ABCG1: variants seen among roughly 807,000 people sequenced by gnomAD.
The protein encoded by ABCG1 is ATP binding cassette subfamily G member 1.
A neutral mutation model predicts 69.2 loss-of-function variants in ABCG1; 29 were observed. The observed-to-expected ratio is 0.42, with a 90% CI of 0.31 to 0.57. The LOEUF (loss-of-function observed/expected upper bound fraction) is 0.57, where lower values mean the gene tolerates loss of function less well. ABCG1 is among the 20% of genes least tolerant of loss of function. ABCG1 has a pLI of 0.15. For missense variants in ABCG1, 718 were observed against 898.1 expected, an observed-to-expected ratio of 0.80 and a Z score of 2.56; for synonymous variants, 370 against 374.8, an observed-to-expected ratio of 0.99 and a Z score of 0.15.
chr21:42,294,393 C>A, intron 13 of ABCG1, 149 bp from the exon 14 acceptor site: 1 of 694,994 alleles, frequency 1.4e-6, no homozygotes, highest in Non-Finnish European at 2.6e-6. Flanking sequence ...CTCGGGAACG[C>A]TGCACCTTCT....
chr21:42,284,808 T>G lies in ABCG1; in HGVS notation c.858+125T>G, dbSNP rs966739699. On this transcript the variant is annotated intron_variant, in intron 7 of 14. Coordinates refer to ENST00000398449, the MANE Select transcript of ABCG1 (RefSeq NM_016818.3). ...GGGGCGTCTTCATGACACCAAACCC[T>G]GGGTACCCACAGCCTTCTGTTAGCT... 3 of 1,318,182 alleles carry G rather than the reference T, an allele frequency of 2.3e-6. No individual in the cohort carries two copies. The Admixed American group carries it at 6.1e-5, about 27-fold the overall frequency. 81.7% of individuals were successfully genotyped at this position (1,318,182 alleles called of 1,614,324 possible). A position where few individuals can be genotyped will look rare whatever the true frequency, so the allele number is the denominator to read the frequency against.
chr21:42,293,177 CA>C, intron 13 of ABCG1, among the ~76,000 whole-genome samples: 1 of 146,724 alleles, frequency 6.8e-6, no homozygotes, highest in African/African-American at 2.6e-5. Context: ...ACACTACACA[CA>C]CACCACACTA....
rs1009434924 is a variant in ABCG1 at position 42,259,917 on chromosome 21, C to A, written c.287-11153C>A. On this transcript the variant is annotated intron_variant, in intron 2 of 14. Transcript: ENST00000398449. Reference sequence around the variant, plus strand: ...AAGAAGGCCCCCAGGCTTGAGCGGCCCTGAAGCTCAGCAGCTGTGGGTTGG... The same window carrying A: ...AAGAAGGCCCCCAGGCTTGAGCGGCACTGAAGCTCAGCAGCTGTGGGTTGG... 3.4e-6 allele frequency: 5 copies of A among 1,461,186 alleles called. No homozygotes were observed. The African/African-American group carries it at 5.7e-5, about 17-fold the overall frequency. The allele number at this position is 1,461,186 out of a possible 1,614,324, so 90.5% of individuals were successfully genotyped here.
At chr21:42,235,737 C>T (rs772276754) in intron 2 of ABCG1, among the ~76,000 whole-genome samples, 1 of 152,152 alleles carries the variant, frequency 6.6e-6, no homozygotes, top group Non-Finnish European at 1.5e-5. Context: ...AGGCAGCAGG[C>T]TTGAGAGAGA....
At chr21:42,263,562 C>T (rs575080395) in intron 2 of ABCG1, among the ~76,000 whole-genome samples, 2 of 152,290 alleles carry the variant, frequency 1.3e-5, no homozygotes, top group South Asian at 4.1e-4. Flanking sequence ...TACACCTCAG[C>T]GACATTTACA....
chr21:42,284,309 G>T (rs1042566569), intron 6 of ABCG1, among the ~76,000 whole-genome samples: 8 of 152,174 alleles, frequency 5.3e-5, no homozygotes, highest in African/African-American at 1.9e-4. Context: ...CTGGACTCTG[G>T]CAGCAAGGCT....
intron 1 of ABCG1, among the ~76,000 whole-genome samples, chr21:42,200,544 G>A (rs1169988592): frequency 6.6e-6 from 1 of 151,974 alleles, no homozygotes; most frequent in Non-Finnish European, 1.5e-5. Flanking sequence ...GTTTGGGGGT[G>A]GGGTGGAGGG....
upstream of ABCG1, among the ~76,000 whole-genome samples, chr21:42,216,535 G>T (rs1467806682): frequency 6.6e-6 from 1 of 152,192 alleles, no homozygotes. Flanking sequence ...CCCTGATGCA[G>T]TGGTTGCTGC....
chr21:42,217,992 T>C (rs1052313706), upstream of ABCG1, among the ~76,000 whole-genome samples: 4 of 152,148 alleles, frequency 2.6e-5, no homozygotes, highest in Admixed American at 2.0e-4. Context: ...GACAACACCA[T>C]TCAGACAAAG....
In ABCG1 at chr21:42,291,414, A is replaced by G; in HGVS notation, c.1495-84A>G. On this transcript the variant is annotated intron_variant, in intron 12 of 14. Coordinates refer to ENST00000398449, the MANE Select transcript of ABCG1 (RefSeq NM_016818.3). This position sits in a 1 kb window ranked among gnomAD's most constrained non-coding sequence, Gnocchi z 6.4. ...GGAGCTCTGGCGGGAGCTGCGGGGA[A>G]GGGCTGGCTGCCCAGGAGCTTTGCT... 6.5e-7 allele frequency: 1 copy of G among 1,535,462 alleles called. No individual in the cohort carries two copies.
chr21:42,216,322 G>A (rs997703600), upstream of ABCG1: 1 of 329,624 alleles, frequency 3.0e-6, no homozygotes, highest in Non-Finnish European at 6.1e-6. Flanking sequence ...CAATGCCTTA[G>A]CAGAAATTTC....
chr21:42,292,476 C>T (rs1045789428), intron 13 of ABCG1, among the ~76,000 whole-genome samples: 6 of 152,024 alleles, frequency 3.9e-5, no homozygotes, highest in African/African-American at 1.5e-4. Context: ...CTCAGCCACC[C>T]CCAGGACCCC....
chr21:42,268,843 T>C (rs968746890), intron 2 of ABCG1, among the ~76,000 whole-genome samples: 2 of 152,160 alleles, frequency 1.3e-5, no homozygotes, highest in African/African-American at 4.8e-5. Context: ...CTCCATGCCA[T>C]GTCCTGTTCC....
chr21:42,278,851 C>A (rs6586300), intron 5 of ABCG1, among the ~76,000 whole-genome samples: 5,779 of 151,926 alleles, frequency 0.038, 195 homozygotes, highest in South Asian at 0.17. Flanking sequence ...TGAGCCAGGG[C>A]GACCTTCACT....
chr21:42,269,058 C>T (rs1266122949), intron 2 of ABCG1, among the ~76,000 whole-genome samples: 1 of 152,208 alleles, frequency 6.6e-6, no homozygotes, highest in Non-Finnish European at 1.5e-5. Flanking sequence ...CATGAACCCT[C>T]AGGTGGGTCG....
At chr21:42,230,313 G>A (rs927706110) in intron 2 of ABCG1, among the ~76,000 whole-genome samples, 2 of 152,210 alleles carry the variant, frequency 1.3e-5, no homozygotes, top group Non-Finnish European at 2.9e-5. Context: ...TCAGGAGAGA[G>A]GAGTACACCC....
At position 42,273,551 on chromosome 21, in the gene ABCG1, G is replaced by A. The variant is rs2068656703; in HGVS notation, c.537+116G>A. 13 of 1,248,358 alleles carry A rather than the reference G, an allele frequency of 1.0e-5. No homozygotes were observed. The highest frequency in any genetic ancestry group is 2.6e-5 in the East Asian group (1 of 38,216). 77.3% of individuals were successfully genotyped at this position (1,248,358 alleles called of 1,614,324 possible). Reference sequence around the variant, plus strand: ...GAGGGACCCAAGGGCTCTGCCACGCGGCCTGCACAGGGCCAGCAACCTCCC... The same window carrying A: ...GAGGGACCCAAGGGCTCTGCCACGCAGCCTGCACAGGGCCAGCAACCTCCC... On this transcript the variant is annotated intron_variant, in intron 4 of 14. Transcript: ENST00000398449. The surrounding 1 kb of genome is among the most constrained non-coding windows in gnomAD (Gnocchi z 5.3).
chr21:42,253,790 T>C (rs1411015480), intron 2 of ABCG1, among the ~76,000 whole-genome samples: 1 of 152,038 alleles, frequency 6.6e-6, no homozygotes, highest in East Asian at 1.9e-4. Context: ...GTTGGGATTA[T>C]AGGGAAGTGA....
Position 42,291,382 on chromosome 21 carries a change from G to A in ABCG1, c.1495-116G>A, listed in dbSNP as rs1454153895. 2.1e-6 allele frequency: 3 copies of A among 1,438,978 alleles called. No homozygotes were observed. Among genetic ancestry groups the A allele is most frequent in the Non-Finnish European group, 2.8e-6 (3 of 1,055,528 alleles). The allele number at this position is 1,438,978 out of a possible 1,614,324, so 89.1% of individuals were successfully genotyped here. On this transcript the variant is annotated intron_variant, in intron 12 of 14. Transcript: ENST00000398449. This position sits in a 1 kb window ranked among gnomAD's most constrained non-coding sequence, Gnocchi z 6.4. The stretch of plus-strand genomic sequence containing the variant: ...AGCTGTGGGGAGTGGGGAAGGACCC[G>A]ACTTTGGGAGCTCTGGCGGGAGCTG...
Sources: gnomAD v4.1 joint callset for allele counts (sites outside exome capture counted in the v4.1 genomes callset) on GRCh38, gnomAD v4.1.1 for gene constraint, Gnocchi (gnomAD v3.1) non-coding constraint, MANE v1.5 for transcripts, NCBI Gene and HGNC (gene_info 2026-07-23, HGNC 2026-07-21) for gene names.